EPSTI1: variants seen among roughly 807,000 people sequenced by gnomAD.
EPSTI1 encodes the protein epithelial stromal interaction 1.
In EPSTI1, 66 loss-of-function variants were observed where a neutral mutation model predicts 49.9. The observed-to-expected ratio is 1.32, with a 90% CI of 1.08 to 1.62. EPSTI1 has a LOEUF of 1.62. Among genes scored for constraint, EPSTI1 ranks in the 40% most tolerant of loss-of-function variants. The pLI is 0.00. For missense variants in EPSTI1, 394 were observed against 365.5 expected, an observed-to-expected ratio of 1.08 and a Z score of -0.64; for synonymous variants, 137 against 130.7, an observed-to-expected ratio of 1.05 and a Z score of -0.33.
At chr13:42,965,462 T>C (rs566184321) in intron 3 of EPSTI1, among the ~76,000 whole-genome samples, 10 of 152,262 alleles carry the variant, frequency 6.6e-5, no homozygotes, top group Middle Eastern at 3.4e-3. Context: ...AGGGAGGTAA[T>C]GGCCCCTCAA....
chr13:42,969,473 T>C (rs2039712361), intron 2 of EPSTI1: 2 of 344,518 alleles, frequency 5.8e-6, no homozygotes, highest in Admixed American at 4.6e-5. Flanking sequence ...TTTTTAAAAC[T>C]CTATATCAAG....
chr13:42,945,035 T>C (rs2153426520), intron 6 of EPSTI1, among the ~76,000 whole-genome samples: 1 of 152,326 alleles, frequency 6.6e-6, no homozygotes, highest in African/African-American at 2.4e-5. Context: ...AAGCTCTGCT[T>C]CCTTAAATCT....
chr13:42,959,343 G>C (rs2039373121), intron 5 of EPSTI1, among the ~76,000 whole-genome samples: 1 of 152,210 alleles, frequency 6.6e-6, no homozygotes, highest in African/African-American at 2.4e-5. Context: ...AGAAATGCAT[G>C]ATGTAGGAGC....
chr13:42,938,330 T>C (rs909075404), intron 6 of EPSTI1, among the ~76,000 whole-genome samples: 1 of 152,052 alleles, frequency 6.6e-6, no homozygotes, highest in Admixed American at 6.5e-5. Context: ...AAGCAGGTCT[T>C]ATTAGTGGGC....
intron 8 of EPSTI1, among the ~76,000 whole-genome samples, chr13:42,906,457 G>A (rs2153414017): frequency 6.6e-6 from 1 of 152,320 alleles, no homozygotes; most frequent in Middle Eastern, 3.4e-3. Flanking sequence ...ATGTAAACAT[G>A]AAAATGCCAT....
intron 6 of EPSTI1, among the ~76,000 whole-genome samples, chr13:42,942,584 T>C (rs2038787438): frequency 6.6e-6 from 1 of 150,426 alleles, no homozygotes; most frequent in Non-Finnish European, 1.5e-5. Flanking sequence ...TTATTGTAGT[T>C]CATATCCCTG....
At chr13:42,909,599 TA>T (rs71099806) in intron 8 of EPSTI1, among the ~76,000 whole-genome samples, 42,485 of 151,818 alleles carry the variant, frequency 0.28, 7,606 homozygotes, top group Non-Finnish European at 0.4. Flanking sequence ...TATTCCACCA[TA>T]AAAAGAAGGA....
Position 42,917,476 on chromosome 13 carries a change from T to C in EPSTI1, c.741+65A>G, listed in dbSNP as rs554086177. On this transcript the variant is annotated intron_variant, in intron 8 of 10. Transcript: ENST00000313624. Reference sequence around the variant, plus strand: ...GTGTCTAAATATTTCTGTTCAGAAATTCTTCAAAATTATCTAGTACCTCAA... The same window carrying C: ...GTGTCTAAATATTTCTGTTCAGAAACTCTTCAAAATTATCTAGTACCTCAA... 2.6e-4 allele frequency: 347 copies of C among 1,327,428 alleles called. No homozygotes were observed. In the African/African-American group the frequency reaches 4.3e-3, roughly 16 times the overall value. The allele number at this position is 1,327,428 out of a possible 1,614,324, so 82.2% of individuals were successfully genotyped here.
At chr13:42,901,401 T>G (rs1303336167) in intron 8 of EPSTI1, among the ~76,000 whole-genome samples, 2 of 152,226 alleles carry the variant, frequency 1.3e-5, no homozygotes, top group Non-Finnish European at 2.9e-5. Context: ...TACTGTGATA[T>G]TCCAAATACA....
intron 6 of EPSTI1, among the ~76,000 whole-genome samples, chr13:42,950,300 T>TA (rs928108290): frequency 6.6e-6 from 1 of 152,244 alleles, no homozygotes; most frequent in East Asian, 1.9e-4. Flanking sequence ...GGTCTTTTCA[T>TA]AAAAACCATC....
rs1190597818 is a variant in EPSTI1 at position 42,930,005 on chromosome 13, G to A, written c.564-3576C>T. ...GACTCAGGCCTCTGACTCTAATTGA[G>A]CATGTCTGGAGTGGGATCTGGGAAT... is the stretch of plus-strand genomic sequence containing the variant. On this transcript the variant is annotated intron_variant, in intron 6 of 10. Coordinates refer to ENST00000313624, the MANE Select transcript of EPSTI1 (RefSeq NM_033255.5). Among the ~76,000 whole-genome samples, 4 of 152,206 alleles carry A rather than the reference G, an allele frequency of 2.6e-5. No individual in the cohort carries two copies. In the East Asian group the frequency reaches 7.7e-4, roughly 29 times the overall value.
intron 1 of EPSTI1, among the ~76,000 whole-genome samples, chr13:42,988,636 CAG>C (rs1361014538): frequency 6.6e-5 from 10 of 151,272 alleles, no homozygotes; most frequent in Admixed American, 1.3e-4. Flanking sequence ...GAGGCTGAGG[CAG>C]AGGAGTCGCT....
chr13:42,972,329 T>A (rs1246953773), intron 1 of EPSTI1, among the ~76,000 whole-genome samples: 1 of 152,194 alleles, frequency 6.6e-6, no homozygotes, highest in Non-Finnish European at 1.5e-5. Flanking sequence ...TGCGACTGGG[T>A]CAAATAACTT....
chr13:42,908,206 C>T (rs1316976369), intron 8 of EPSTI1, among the ~76,000 whole-genome samples: 1 of 152,230 alleles, frequency 6.6e-6, no homozygotes, highest in Non-Finnish European at 1.5e-5. Flanking sequence ...ATGGGGGAAG[C>T]TGGGCACAGT....
At chr13:42,990,382 A>G (rs934101668) in intron 1 of EPSTI1, among the ~76,000 whole-genome samples, 11 of 152,224 alleles carry the variant, frequency 7.2e-5, no homozygotes, top group African/African-American at 1.9e-4. Flanking sequence ...TTACAACCAA[A>G]TAAGAAAACA....
chr13:42,980,474 A>G (rs913000605), intron 1 of EPSTI1, among the ~76,000 whole-genome samples: 9 of 152,202 alleles, frequency 5.9e-5, no homozygotes, highest in African/African-American at 1.7e-4. Flanking sequence ...GAGCAAAGGC[A>G]CATCTTACAT....
chr13:42,991,512 T>A (rs938598637), intron 1 of EPSTI1, among the ~76,000 whole-genome samples: 33 of 152,230 alleles, frequency 2.2e-4, no homozygotes, highest in African/African-American at 7.7e-4. Flanking sequence ...TTCGAACTCC[T>A]GACCTCAGGT....
At chr13:42,905,718 T>C (rs949310202) in intron 8 of EPSTI1, among the ~76,000 whole-genome samples, 3 of 152,122 alleles carry the variant, frequency 2.0e-5, no homozygotes, top group African/African-American at 7.2e-5. Flanking sequence ...AAGGTACAGA[T>C]ATCAGCACAG....
chr13:42,911,242 A>AGT (rs1416712540), intron 8 of EPSTI1, among the ~76,000 whole-genome samples: 5 of 122,150 alleles, frequency 4.1e-5, no homozygotes, highest in African/African-American at 1.5e-4. Context: ...GGAGAGAGAG[A>AGT]GAGTGTGTGT....
Sources: allele counts gnomAD v4.1 joint callset (sites outside exome capture counted in the v4.1 genomes callset), GRCh38; gene constraint gnomAD v4.1.1; transcripts MANE v1.5; gene names NCBI Gene and HGNC (gene_info 2026-07-23, HGNC 2026-07-21).